The following SNX7 variants were observed in gnomAD, a reference collection of about 807,000 sequenced individuals.
SNX7 encodes the protein sorting nexin-7.
In SNX7, 35 loss-of-function variants were observed where a neutral mutation model predicts 48.4. The observed-to-expected ratio is 0.72, with a 90% CI of 0.55 to 0.96. The LOEUF is 0.96. Among genes scored for constraint, SNX7 ranks in the 40% least tolerant of loss-of-function variants. The pLI, the probability that SNX7 is intolerant of heterozygous loss-of-function variation, is 0.00. For synonymous variants in SNX7, 190 were observed against 190.2 expected (o/e 1.00, Z 0.01); for missense variants, 553 against 548.9 (o/e 1.01, Z -0.07).
intron 7 of SNX7, among the ~76,000 whole-genome samples, chr1:98,710,466 A>T (rs1652243321): frequency 6.6e-6 from 1 of 152,120 alleles, no homozygotes; most frequent in African/African-American, 2.4e-5. Context: ...CTTAACTGCA[A>T]CCGAAAAAGT....
At chr1:98,736,232 C>A (rs182331863) in intron 7 of SNX7, among the ~76,000 whole-genome samples, 429 of 152,314 alleles carry the variant, frequency 2.8e-3, no homozygotes, top group Middle Eastern at 6.8e-3. Flanking sequence ...GCAATTTAAA[C>A]TGCAAAGCCT....
rs1491348958 is a variant in SNX7, at chr1:98,663,252, G to GTTTTTTTTTTTTTTTTTTTTTTTTTT, written c.180+1341_180+1342insTTTTTTTTTTTTTTTTTTTTTTTTTT. 2.2e-4 allele frequency among the ~76,000 whole-genome samples: 18 copies of GTTTTTTTTTTTTTTTTTTTTTTTTTT among 83,184 alleles called. 9 individuals are homozygous for GTTTTTTTTTTTTTTTTTTTTTTTTTT. Among genetic ancestry groups the GTTTTTTTTTTTTTTTTTTTTTTTTTT allele is most frequent in the African/African-American group, 3.3e-4 (6 of 18,276 alleles). 54.6% of individuals were successfully genotyped at this position (83,184 alleles called of 152,430 possible). A position where few individuals can be genotyped will look rare whatever the true frequency, so the allele number is the denominator to read the frequency against. On this transcript the variant is annotated intron_variant, in intron 1 of 8. Coordinates refer to ENST00000306121, the MANE Select transcript of SNX7 (RefSeq NM_015976.5). ...ATCAGAATCATCAGGGTTTCTTTCTGGTTTTTTTTTTTTTTTTTTTTTTTT... is the reference window on the plus strand; with the variant it reads ...ATCAGAATCATCAGGGTTTCTTTCTGTTTTTTTTTTTTTTTTTTTTTTTTTTGTTTTTTTTTTTTTTTTTTTTTTTT...
intron 7 of SNX7, among the ~76,000 whole-genome samples, chr1:98,717,691 A>G (rs998663138): frequency 6.6e-6 from 1 of 152,078 alleles, no homozygotes; most frequent in African/African-American, 2.4e-5. Context: ...GGTTAAATTG[A>G]CCTGCCTTGT....
intron 1 of SNX7, among the ~76,000 whole-genome samples, chr1:98,679,613 G>A (rs1455939477): frequency 2.0e-5 from 3 of 152,168 alleles, no homozygotes; most frequent in Non-Finnish European, 4.4e-5. Context: ...TACAGACATT[G>A]GGTAAATATA....
chr1:98,671,207 C>T (rs1649844991), intron 1 of SNX7, among the ~76,000 whole-genome samples: 1 of 152,100 alleles, frequency 6.6e-6, no homozygotes, highest in East Asian at 1.9e-4. Flanking sequence ...AAAAGTTAAA[C>T]ATTTTCATTG....
At chr1:98,736,846 C>T (rs879722119) in intron 7 of SNX7, among the ~76,000 whole-genome samples, 1 of 152,166 alleles carries the variant, frequency 6.6e-6, no homozygotes, top group African/African-American at 2.4e-5. Context: ...ATTTTAGCAT[C>T]TTGAAATGGG....
chr1:98,668,786 G>T (rs1208588959), intron 1 of SNX7, among the ~76,000 whole-genome samples: 2 of 152,138 alleles, frequency 1.3e-5, no homozygotes, highest in African/African-American at 4.8e-5. Flanking sequence ...GGACCACTGG[G>T]TCAAAAAATA....
At chr1:98,713,012 A>AC (rs1652396262) in intron 7 of SNX7, among the ~76,000 whole-genome samples, 2 of 150,356 alleles carry the variant, frequency 1.3e-5, no homozygotes, top group African/African-American at 4.9e-5. Flanking sequence ...AATTGCTTAA[A>AC]CCTAGGAGGC....
In SNX7 at chr1:98,726,116, TAC is replaced by T. The variant is rs1419652084; in HGVS notation, c.1126-12119_1126-12118del. 7.9e-5 allele frequency among the ~76,000 whole-genome samples: 12 copies of T among 152,300 alleles called. No individual in the cohort carries two copies. The South Asian group carries it at 1.5e-3, about 18-fold the overall frequency. On this transcript the variant is annotated intron_variant, in intron 7 of 8. Coordinates refer to ENST00000306121, the MANE Select transcript of SNX7 (RefSeq NM_015976.5). The stretch of plus-strand genomic sequence containing the variant: ...ATAATCACACCAGGGTGCCGCATTT[TAC>T]AGAGGGGGAAACTGCACCCTCTGAA...
At chr1:98,695,056 A>C (rs1181047436) in intron 4 of SNX7, among the ~76,000 whole-genome samples, 2 of 152,222 alleles carry the variant, frequency 1.3e-5, no homozygotes, top group Non-Finnish European at 2.9e-5. Flanking sequence ...ATTAAGCTCT[A>C]AATAAATGTT....
chr1:98,708,896 A>G (rs1652154233), intron 7 of SNX7, among the ~76,000 whole-genome samples: 1 of 152,160 alleles, frequency 6.6e-6, no homozygotes, highest in South Asian at 2.1e-4. Context: ...TTGGAATTTT[A>G]CCATATTGGA....
intron 1 of SNX7, among the ~76,000 whole-genome samples, chr1:98,681,387 G>A (rs969129129): frequency 1.3e-5 from 2 of 152,146 alleles, no homozygotes; most frequent in Non-Finnish European, 2.9e-5. Context: ...GAAGCCAGGA[G>A]TTTGAGACCA....
At chr1:98,721,518 A>G (rs1402467162) in intron 7 of SNX7, among the ~76,000 whole-genome samples, 3 of 152,126 alleles carry the variant, frequency 2.0e-5, no homozygotes, top group African/African-American at 7.2e-5. Context: ...GTTCTAGATC[A>G]AAGTTTCAAA....
intron 7 of SNX7, among the ~76,000 whole-genome samples, chr1:98,707,003 GA>G: frequency 6.6e-6 from 1 of 152,264 alleles, no homozygotes; most frequent in African/African-American, 2.4e-5. Context: ...TTCAGCTGAA[GA>G]TATGTATTTG....
chr1:98,722,122 A>G (rs1203837349), intron 7 of SNX7, among the ~76,000 whole-genome samples: 2 of 152,040 alleles, frequency 1.3e-5, no homozygotes, highest in Non-Finnish European at 2.9e-5. Context: ...CTGGCTTGAA[A>G]CGTGATGCGT....
At chr1:98,670,981 G>A (rs1420739180) in intron 1 of SNX7, among the ~76,000 whole-genome samples, 1 of 152,026 alleles carries the variant, frequency 6.6e-6, no homozygotes, top group Non-Finnish European at 1.5e-5. Context: ...TAAACTTAGT[G>A]TACTCTAAAA....
intron 7 of SNX7, among the ~76,000 whole-genome samples, chr1:98,702,215 T>C (rs1250639018): frequency 6.6e-6 from 1 of 152,164 alleles, no homozygotes; most frequent in African/African-American, 2.4e-5. Context: ...TATTCCAGGC[T>C]AGTAAGTACT....
At chr1:98,668,773 C>G (rs796270459) in intron 1 of SNX7, among the ~76,000 whole-genome samples, 3 of 152,170 alleles carry the variant, frequency 2.0e-5, no homozygotes, top group African/African-American at 7.2e-5. Context: ...AAGGGCAAAA[C>G]TAGGACCACT....
At chr1:98,676,299 T>C (rs540727688) in intron 1 of SNX7, among the ~76,000 whole-genome samples, 1 of 152,188 alleles carries the variant, frequency 6.6e-6, no homozygotes, top group Non-Finnish European at 1.5e-5. Context: ...TGGATAGAAT[T>C]CATTATACCC....
Sources: allele counts gnomAD v4.1 joint callset (sites outside exome capture counted in the v4.1 genomes callset), GRCh38; gene constraint gnomAD v4.1.1; transcripts MANE v1.5; gene names NCBI Gene and HGNC (gene_info 2026-07-23, HGNC 2026-07-21).